The following ARHGEF3 variants were observed in gnomAD, a reference collection of about 807,000 sequenced individuals.
ARHGEF3 encodes the protein 59.8 kDA protein.
ARHGEF3 carries 28 observed loss-of-function variants against 63.2 expected under a neutral mutation model. The observed-to-expected ratio is 0.44, with a 90% CI of 0.33 to 0.61. The LOEUF is 0.61. ARHGEF3 is among the 20% of genes least tolerant of loss of function. ARHGEF3 has a pLI of 0.03. For synonymous variants in ARHGEF3, 266 were observed against 254.2 expected (o/e 1.05, Z -0.44); for missense variants, 533 against 659.3 (o/e 0.81, Z 2.10).
intron 4 of ARHGEF3, among the ~76,000 whole-genome samples, chr3:56,876,962 C>T (rs184537802): frequency 1.3e-3 from 195 of 152,296 alleles, no homozygotes; most frequent in Non-Finnish European, 2.3e-3. Context: ...GAGAGAAGGG[C>T]CAGGGAAAGC....
chr3:56,888,548 G>A (rs894908079), intron 3 of ARHGEF3, among the ~76,000 whole-genome samples: 1 of 152,084 alleles, frequency 6.6e-6, no homozygotes, highest in Non-Finnish European at 1.5e-5. Flanking sequence ...TTATATATTT[G>A]CTATAGACCA....
At chr3:57,078,798 G>A in intron 1 of ARHGEF3, 1 of 154,842 alleles carries the variant, frequency 6.5e-6, no homozygotes, top group Non-Finnish European at 1.4e-5. Context: ...GGTGCCCCGC[G>A]GGGCTGGAGA....
chr3:56,750,665 G>A (rs1246050730), intron 6 of ARHGEF3, among the ~76,000 whole-genome samples: 2 of 140,232 alleles, frequency 1.4e-5, no homozygotes, highest in Non-Finnish European at 1.5e-5. Flanking sequence ...TTAATAGCAT[G>A]ACAAGTTTTT....
chr3:56,833,313 T>C lies in ARHGEF3; in HGVS notation c.192+48979A>G, dbSNP rs75563337. 8.6e-3 allele frequency among the ~76,000 whole-genome samples: 1,312 copies of C among 152,320 alleles called. 12 individuals are homozygous for C. Among genetic ancestry groups the C allele is most frequent in the Middle Eastern group, 0.02 (6 of 294 alleles). On this transcript the variant is annotated intron_variant, in intron 4 of 12. Transcript: ENST00000338458. ...CCATCCTAGTGGGTATGAGGGATAA[T>C]TGTGGTTTTGATTTGTATTTCCCTA...
chr3:56,916,036 A>G (rs1455269379), intron 3 of ARHGEF3, among the ~76,000 whole-genome samples: 34 of 152,114 alleles, frequency 2.2e-4, no homozygotes, highest in Admixed American at 2.2e-3. Flanking sequence ...AGGCCCTGAC[A>G]GCTATGCACG....
rs180860918 is a variant in ARHGEF3 at position 56,935,538 on chromosome 3, G to A, written c.129+23285C>T. On this transcript the variant is annotated intron_variant, in intron 3 of 12. Transcript: ENST00000338458. ...TTTTATGAGCTGTAACACTCACCGT[G>A]AAGATCTGCAGCTTCACTCCTGAGC... Among the ~76,000 whole-genome samples the A allele has an allele frequency of 3.5e-3, 533 of 152,244 alleles. 5 individuals carry two copies. The highest frequency in any genetic ancestry group is 0.011 in the African/African-American group (444 of 41,534).
At chr3:56,834,368 T>C (rs1462610524) in intron 4 of ARHGEF3, among the ~76,000 whole-genome samples, 2 of 150,478 alleles carry the variant, frequency 1.3e-5, no homozygotes, top group African/African-American at 5.0e-5. Context: ...ATGAGGTTCA[T>C]AGTAAGAAAA....
intron 2 of ARHGEF3, among the ~76,000 whole-genome samples, chr3:57,002,252 T>C (rs1702226817): frequency 6.6e-6 from 1 of 150,966 alleles, no homozygotes; most frequent in Non-Finnish European, 1.5e-5. Flanking sequence ...AAGGATGAAG[T>C]ATCATTAGTC....
chr3:57,007,316 C>T (rs1476066416), intron 2 of ARHGEF3: 3 of 1,289,568 alleles, frequency 2.3e-6, no homozygotes, highest in South Asian at 2.5e-5. Context: ...TGCGCTGGTT[C>T]CAGAAACACC....
At chr3:56,844,660 G>A (rs750722285) in intron 4 of ARHGEF3, among the ~76,000 whole-genome samples, 3 of 152,182 alleles carry the variant, frequency 2.0e-5, no homozygotes, top group Admixed American at 6.5e-5. Context: ...GATTAGCAGG[G>A]TGGGAAGACT....
chr3:57,005,891 GT>G (rs1363036261), intron 2 of ARHGEF3, among the ~76,000 whole-genome samples: 2 of 152,324 alleles, frequency 1.3e-5, no homozygotes, highest in Non-Finnish European at 1.5e-5. Context: ...AGTGTTCAAA[GT>G]TTTTTACGTA....
chr3:56,822,191 C>T lies in ARHGEF3; in HGVS notation c.193-48375G>A, dbSNP rs181649547. ...TTAAATGCTTTATATACGTTATTCT[C>T]CTCTGAACAACCCTTTCAGGAAAGT... On this transcript the variant is annotated intron_variant, in intron 4 of 12. Coordinates refer to the ARHGEF3 transcript ENST00000338458. Among the ~76,000 whole-genome samples the T allele has an allele frequency of 2.0e-3, 311 of 152,248 alleles. 3 individuals are homozygous for T. Among genetic ancestry groups the T allele is most frequent in the African/African-American group, 6.8e-3 (284 of 41,552 alleles).
At chr3:57,024,580 C>T (rs1340663063) in intron 2 of ARHGEF3, among the ~76,000 whole-genome samples, 4 of 152,050 alleles carry the variant, frequency 2.6e-5, no homozygotes, top group Admixed American at 6.6e-5. Flanking sequence ...CGCTGCCTCC[C>T]GGGTTCACGC....
At chr3:56,781,974 C>T (rs923556500) in intron 1 of ARHGEF3, among the ~76,000 whole-genome samples, 2 of 152,072 alleles carry the variant, frequency 1.3e-5, no homozygotes, top group Non-Finnish European at 1.5e-5. Context: ...AACACAGGAA[C>T]GTAGGGCACA....
At chr3:56,899,622 T>C (rs1380091123) in intron 3 of ARHGEF3, among the ~76,000 whole-genome samples, 1 of 152,218 alleles carries the variant, frequency 6.6e-6, no homozygotes, top group Non-Finnish European at 1.5e-5. Context: ...AAATACATTG[T>C]TTTACAGAAA....
At chr3:56,862,081 C>G (rs2040093984) in intron 4 of ARHGEF3, among the ~76,000 whole-genome samples, 2 of 152,082 alleles carry the variant, frequency 1.3e-5, no homozygotes, top group African/African-American at 4.8e-5. Context: ...AATGAAGGAG[C>G]AAATGAAAGA....
chr3:56,814,274 T>C (rs1163203440), intron 4 of ARHGEF3, among the ~76,000 whole-genome samples: 1 of 152,204 alleles, frequency 6.6e-6, no homozygotes, highest in African/African-American at 2.4e-5. Context: ...TTGTAAACTT[T>C]CGTAAAACGT....
intron 2 of ARHGEF3, 63 bp downstream of exon 2, chr3:56,773,646 G>A: frequency 7.3e-7 from 1 of 1,364,400 alleles, no homozygotes; most frequent in Non-Finnish European, 9.9e-7. Flanking sequence ...TAGGTAGGAT[G>A]GGGATGTTCC....
intron 2 of ARHGEF3, among the ~76,000 whole-genome samples, chr3:56,965,151 A>C (rs1700437478): frequency 6.6e-6 from 1 of 152,070 alleles, no homozygotes; most frequent in Non-Finnish European, 1.5e-5. Context: ...GCTACTCAGC[A>C]GGCTGAGGTG....
Sources: gnomAD v4.1 joint callset for allele counts (sites outside exome capture counted in the v4.1 genomes callset) on GRCh38, gnomAD v4.1.1 for gene constraint, MANE v1.5 for transcripts, NCBI Gene and HGNC (gene_info 2026-07-23, HGNC 2026-07-21) for gene names.